The following EYS variants were observed in gnomAD, a reference collection of about 807,000 sequenced individuals.
EYS encodes protein eyes shut homolog.
In EYS, 250 loss-of-function variants were observed where a neutral mutation model predicts 282.1. The observed-to-expected ratio is 0.89, with a 90% CI of 0.80 to 0.98. The LOEUF (loss-of-function observed/expected upper bound fraction) is 0.98, where lower values mean the gene tolerates loss of function less well. Ranked by LOEUF, EYS falls within the 50% of genes least tolerant of loss-of-function variation. The probability of loss-of-function intolerance (pLI) is 0.00; values close to 1 mark genes in which losing one functional copy is unlikely to be tolerated. For synonymous variants in EYS, 1,355 were observed against 1,282.9 expected (o/e 1.06, Z -1.20); for missense variants, 4,016 against 3,709.0 (o/e 1.08, Z -2.15).
At chr6:64,559,750 C>CT (rs994137499) in intron 26 of EYS, among the ~76,000 whole-genome samples, 7 of 151,806 alleles carry the variant, frequency 4.6e-5, no homozygotes, top group African/African-American at 1.5e-4. Context: ...ATATACTACT[C>CT]TTTTTTAAAA....
At chr6:63,914,736 A>C (rs1764376502) in intron 35 of EYS, among the ~76,000 whole-genome samples, 6 of 152,010 alleles carry the variant, frequency 3.9e-5, no homozygotes, top group Admixed American at 3.9e-4. Flanking sequence ...AAAAAAAAGC[A>C]AAACAACTCT....
chr6:64,483,671 A>G (rs1002610236), intron 26 of EYS, among the ~76,000 whole-genome samples: 1 of 151,596 alleles, frequency 6.6e-6, no homozygotes, highest in African/African-American at 2.4e-5. Flanking sequence ...GCCAATAACC[A>G]GGTAAGTCTG....
chr6:63,843,336 C>T (rs565139256), intron 36 of EYS, among the ~76,000 whole-genome samples: 2 of 152,110 alleles, frequency 1.3e-5, no homozygotes, highest in Non-Finnish European at 2.9e-5. Flanking sequence ...CTTGTAAGTT[C>T]TATTCCTAGG....
intron 8 of EYS, among the ~76,000 whole-genome samples, chr6:65,356,440 A>C (rs1228860610): frequency 6.6e-6 from 1 of 152,018 alleles, no homozygotes; most frequent in Non-Finnish European, 1.5e-5. Context: ...GATAAGGAGC[A>C]ATGAGAGATG....
At chr6:64,236,046 T>C (rs1041396881) in intron 30 of EYS, among the ~76,000 whole-genome samples, 1 of 152,306 alleles carries the variant, frequency 6.6e-6, no homozygotes, top group South Asian at 2.1e-4. Context: ...ACCAATATCC[T>C]TGATGAACAT....
chr6:65,089,392 C>A (rs932759127), intron 12 of EYS, among the ~76,000 whole-genome samples: 1 of 152,164 alleles, frequency 6.6e-6, no homozygotes, highest in Non-Finnish European at 1.5e-5. Flanking sequence ...AGATGTAAGA[C>A]AAGGGGTCAA....
At chr6:65,625,775 A>G (rs1466592542) in intron 2 of EYS, among the ~76,000 whole-genome samples, 2 of 152,198 alleles carry the variant, frequency 1.3e-5, no homozygotes, top group African/African-American at 4.8e-5. Context: ...AGTGACAATG[A>G]TTTCCATTTA....
intron 2 of EYS, among the ~76,000 whole-genome samples, chr6:65,540,228 T>C (rs1768111423): frequency 6.6e-6 from 1 of 152,186 alleles, no homozygotes; most frequent in African/African-American, 2.4e-5. Flanking sequence ...GCACATTGTA[T>C]TCTAAGAAAA....
intron 7 of EYS, among the ~76,000 whole-genome samples, chr6:65,398,926 C>A (rs890019420): frequency 6.6e-6 from 1 of 152,042 alleles, no homozygotes; most frequent in Admixed American, 6.6e-5. Context: ...AGCAAACAAC[C>A]TTAGAGTTAC....
chr6:65,669,091 T>C (rs1430470770), intron 1 of EYS, among the ~76,000 whole-genome samples: 1 of 151,984 alleles, frequency 6.6e-6, no homozygotes, highest in Admixed American at 6.6e-5. Context: ...CTAAAGTACA[T>C]TTATTATGAA....
intron 13 of EYS, among the ~76,000 whole-genome samples, chr6:65,038,883 G>A (rs549835092): frequency 9.9e-5 from 15 of 151,408 alleles, no homozygotes; most frequent in African/African-American, 3.6e-4. Flanking sequence ...CACCGTTTTA[G>A]TGTTTTGTTT....
At chr6:65,116,773 A>G (rs976469290) in intron 12 of EYS, among the ~76,000 whole-genome samples, 5 of 152,242 alleles carry the variant, frequency 3.3e-5, no homozygotes, top group African/African-American at 9.6e-5. Flanking sequence ...ATCTACATTA[A>G]GCAGAATAGG....
intron 22 of EYS, among the ~76,000 whole-genome samples, chr6:64,648,653 A>C (rs776688892): frequency 3.3e-5 from 5 of 152,178 alleles, no homozygotes; most frequent in Admixed American, 6.5e-5. Flanking sequence ...GCAAAATTAC[A>C]AGGTAAACGA....
At chr6:64,356,731 C>G (rs1771835797) in intron 29 of EYS, among the ~76,000 whole-genome samples, 1 of 151,610 alleles carries the variant, frequency 6.6e-6, no homozygotes, top group African/African-American at 2.4e-5. Flanking sequence ...CAAATACACA[C>G]AGTTTCGAAG....
chr6:64,988,923 C>A lies in EYS; in HGVS notation c.2259+8659G>T, dbSNP rs866880748. Among the ~76,000 whole-genome samples, 15 of 151,258 alleles carry A rather than the reference C, an allele frequency of 9.9e-5. No homozygotes were observed. In the South Asian group the frequency reaches 1.0e-3, roughly 10 times the overall value. On this transcript the variant is annotated intron_variant, in intron 14 of 42. Transcript: ENST00000503581. ...CACTTCCATACACTTGAATAAAATA[C>A]CCTGGCTTGGCAAATCAGTGTAAGA... is the stretch of plus-strand genomic sequence containing the variant.
rs1292600962 is a variant in EYS, at chr6:65,365,807, G to A, written c.1300-12190C>T. On this transcript the variant is annotated intron_variant, in intron 8 of 42. Coordinates refer to ENST00000503581, the MANE Select transcript of EYS (RefSeq NM_001142800.2). The stretch of plus-strand genomic sequence containing the variant: ...AAGTTACTTAGTCCATGGGCCTCTT[G>A]TAATACCCGTGATTACATCTGCAAT... Among the ~76,000 whole-genome samples, 5 of 151,774 alleles carry A rather than the reference G, an allele frequency of 3.3e-5. No individual in the cohort carries two copies. The Admixed American group carries it at 3.3e-4, about 10-fold the overall frequency.
chr6:64,560,609 T>C (rs58158936), intron 26 of EYS, among the ~76,000 whole-genome samples: 4,608 of 152,164 alleles, frequency 0.03, 154 homozygotes, highest in East Asian at 0.11. Context: ...TACCTGAAGG[T>C]CAGCGCTCTG....
intron 22 of EYS, among the ~76,000 whole-genome samples, chr6:64,670,683 C>T (rs2149895877): frequency 6.6e-6 from 1 of 152,216 alleles, no homozygotes; most frequent in Non-Finnish European, 1.5e-5. Flanking sequence ...CCTTCGTCTG[C>T]TAACAAGGGC....
intron 13 of EYS, among the ~76,000 whole-genome samples, chr6:65,012,632 G>T (rs9345587): frequency 6.6e-6 from 1 of 151,844 alleles, no homozygotes; most frequent in East Asian, 1.9e-4. Context: ...AAGTGTCCCT[G>T]TGATTCTCCC....
Sources: gnomAD v4.1 joint callset for allele counts (sites outside exome capture counted in the v4.1 genomes callset) on GRCh38, gnomAD v4.1.1 for gene constraint, MANE v1.5 for transcripts, NCBI Gene and HGNC (gene_info 2026-07-23, HGNC 2026-07-21) for gene names.